The following NALF1 variants were observed in gnomAD, a reference collection of about 807,000 sequenced individuals.
The protein encoded by NALF1 is NALCN channel auxiliary factor 1.
NALF1 carries 3 observed loss-of-function variants against 48.4 expected under a neutral mutation model. The observed-to-expected ratio is 0.06, with a 90% CI of 0.03 to 0.16. The LOEUF (loss-of-function observed/expected upper bound fraction) is 0.16. Ranked by LOEUF, NALF1 falls within the 10% of genes least tolerant of loss-of-function variation. The probability of loss-of-function intolerance (pLI) is 1.00; values close to 1 mark genes in which losing one functional copy is unlikely to be tolerated. For missense variants in NALF1, 526 were observed against 571.5 expected (o/e 0.92, Z 0.81); for synonymous variants, 262 against 245.7 (o/e 1.07, Z -0.62).
At chr13:107,863,738 G>C (rs762601091) in intron 1 of NALF1, among the ~76,000 whole-genome samples, 16 of 152,228 alleles carry the variant, frequency 1.1e-4, no homozygotes, top group Middle Eastern at 3.4e-3. Flanking sequence ...ATACTTTATC[G>C]CTATGATTAT....
At position 107,170,689 on chromosome 13, in the gene NALF1, TTTCTC is replaced by T; in HGVS notation, c.1180_1184del (p.Glu394LysfsTer62). 1 of 1,614,196 alleles carries T rather than the reference TTTCTC, an allele frequency of 6.2e-7. No individual in the cohort carries two copies. Among genetic ancestry groups the T allele is most frequent in the Non-Finnish European group, 8.5e-7 (1 of 1,180,032 alleles). ...GCGATGTCCTGTGACAGGAGCCACTTTTCTCTACGGTCCCTTTGGATGGGTTATTT... is the reference window on the plus strand; with the variant it reads ...GCGATGTCCTGTGACAGGAGCCACTTTACGGTCCCTTTGGATGGGTTATTT... On this transcript the variant is annotated frameshift_variant, in exon 3 of 3. Transcript: ENST00000375915. LOFTEE classifies it high-confidence loss of function.
At chr13:107,397,338 T>G (rs1423039333) in intron 1 of NALF1, among the ~76,000 whole-genome samples, 4 of 152,166 alleles carry the variant, frequency 2.6e-5, no homozygotes, top group Non-Finnish European at 5.9e-5. Flanking sequence ...GACTCAACCT[T>G]TGTTCTGTGT....
At chr13:107,538,214 G>A (rs1267928323) in intron 1 of NALF1, among the ~76,000 whole-genome samples, 1 of 151,984 alleles carries the variant, frequency 6.6e-6, no homozygotes, top group Non-Finnish European at 1.5e-5. Context: ...TTCCAATCAA[G>A]CCATGTAATA....
intron 1 of NALF1, among the ~76,000 whole-genome samples, chr13:107,281,236 C>A (rs925277996): frequency 6.6e-6 from 1 of 152,136 alleles, no homozygotes; most frequent in African/African-American, 2.4e-5. Flanking sequence ...AAGAAATACA[C>A]ACAAATAACT....
At chr13:107,257,130 A>G (rs1265844273) in intron 1 of NALF1, among the ~76,000 whole-genome samples, 1 of 152,130 alleles carries the variant, frequency 6.6e-6, no homozygotes, top group African/African-American at 2.4e-5. Flanking sequence ...CAAAACCATC[A>G]GATTTCATGA....
At chr13:107,711,739 G>T (rs781191636) in intron 1 of NALF1, among the ~76,000 whole-genome samples, 13 of 152,116 alleles carry the variant, frequency 8.5e-5, no homozygotes, top group Non-Finnish European at 1.3e-4. Flanking sequence ...ACAACAATAG[G>T]GTATTCAGCA....
intron 2 of NALF1, among the ~76,000 whole-genome samples, chr13:107,178,054 A>G (rs1473869288): frequency 6.6e-6 from 1 of 152,166 alleles, no homozygotes; most frequent in Non-Finnish European, 1.5e-5. Flanking sequence ...CAAAAAAAAA[A>G]AGATGACTTA....
intron 1 of NALF1, among the ~76,000 whole-genome samples, chr13:107,856,301 T>C (rs1880439600): frequency 6.6e-6 from 1 of 152,216 alleles, no homozygotes; most frequent in Non-Finnish European, 1.5e-5. Context: ...AAAGAAGTGC[T>C]GTGAAACCAA....
intron 1 of NALF1, among the ~76,000 whole-genome samples, chr13:107,707,673 T>A (rs1353777633): frequency 6.6e-6 from 1 of 152,240 alleles, no homozygotes; most frequent in East Asian, 1.9e-4. Flanking sequence ...GAGATGGTAG[T>A]ATCCTATCTG....
intron 1 of NALF1, among the ~76,000 whole-genome samples, chr13:107,225,288 A>T (rs2031389): frequency 2.0e-5 from 3 of 151,916 alleles, no homozygotes; most frequent in Non-Finnish European, 2.9e-5. Context: ...GGATTACAGG[A>T]GTGAGCTACT....
At chr13:107,638,192 T>TAC (rs1594176495) in intron 1 of NALF1, among the ~76,000 whole-genome samples, 2 of 121,668 alleles carry the variant, frequency 1.6e-5, no homozygotes, top group Non-Finnish European at 3.4e-5. Flanking sequence ...AAGATTTATA[T>TAC]ATATATATAT....
intron 1 of NALF1, among the ~76,000 whole-genome samples, chr13:107,679,355 C>G (rs1881216897): frequency 6.6e-6 from 1 of 151,934 alleles, no homozygotes; most frequent in Admixed American, 6.6e-5. Flanking sequence ...CTTATTAAGC[C>G]CTGCTAGGTA....
chr13:107,323,478 T>C (rs1236577624), intron 1 of NALF1, among the ~76,000 whole-genome samples: 4 of 152,228 alleles, frequency 2.6e-5, no homozygotes, highest in Non-Finnish European at 5.9e-5. Context: ...AGTTTATTTC[T>C]GATGTTGCCA....
chr13:107,666,080 C>T (rs1393064654), intron 1 of NALF1, among the ~76,000 whole-genome samples: 1 of 152,050 alleles, frequency 6.6e-6, no homozygotes, highest in African/African-American at 2.4e-5. Flanking sequence ...TGCAAAATTG[C>T]CCTTGTTGGA....
intron 1 of NALF1, among the ~76,000 whole-genome samples, chr13:107,626,519 G>T (rs1201026575): frequency 6.6e-6 from 1 of 152,082 alleles, no homozygotes; most frequent in African/African-American, 2.4e-5. Context: ...ATCAATCTAA[G>T]TGGCCATCAA....
intron 1 of NALF1, among the ~76,000 whole-genome samples, chr13:107,709,449 C>G (rs569202366): frequency 6.6e-6 from 1 of 152,280 alleles, no homozygotes; most frequent in South Asian, 2.1e-4. Context: ...GCCTTCAGAT[C>G]AAACTTATCT....
chr13:107,652,037 CTT>C (rs1237691880), intron 1 of NALF1, among the ~76,000 whole-genome samples: 1 of 152,138 alleles, frequency 6.6e-6, no homozygotes, highest in Non-Finnish European at 1.5e-5. Context: ...CTATAAATAA[CTT>C]TATTATGCTT....
chr13:107,552,139 T>C (rs1388004069), intron 1 of NALF1, among the ~76,000 whole-genome samples: 2 of 152,190 alleles, frequency 1.3e-5, no homozygotes, highest in East Asian at 1.9e-4. Flanking sequence ...AGCTGCATTA[T>C]ATGAGTTAGA....
At chr13:107,732,228 T>C (rs1876329956) in intron 1 of NALF1, among the ~76,000 whole-genome samples, 1 of 152,040 alleles carries the variant, frequency 6.6e-6, no homozygotes, top group African/African-American at 2.4e-5. Context: ...ACATGCATCC[T>C]CTATATACTA....
Sources: gnomAD v4.1 joint callset for allele counts (sites outside exome capture counted in the v4.1 genomes callset) on GRCh38, gnomAD v4.1.1 for gene constraint, MANE v1.5 for transcripts, NCBI Gene and HGNC (gene_info 2026-07-23, HGNC 2026-07-21) for gene names.